GAGE13: variants seen among roughly 807,000 people sequenced by gnomAD.
The protein encoded by GAGE13 is G antigen 13.
chrX:49,337,674 A>C (rs1220564524), intron 4 of GAGE13, among the ~76,000 whole-genome samples: 5 of 62,996 alleles, frequency 7.9e-5, no homozygotes, highest in African/African-American at 2.4e-4. Flanking sequence ...TTATTTATTT[A>C]TTTATTTATT....
chrX:49,335,374 A>C (rs2066481678), intron 3 of GAGE13, among the ~76,000 whole-genome samples: 1 of 110,006 alleles, frequency 9.1e-6, no homozygotes, highest in East Asian at 2.8e-4. Context: ...AAATTTTGCC[A>C]GTTCCCCAGA....
At chrX:49,333,471 T>TGC in intron 3 of GAGE13, 64 bp downstream of exon 3, 1 of 378,117 alleles carries the variant, frequency 2.6e-6, no homozygotes, top group South Asian at 4.9e-5. Context: ...TGTGTGTGTG[T>TGC]GCACGTGTGT....
At chrX:49,337,672 T>C (rs1260938572) in intron 4 of GAGE13, among the ~76,000 whole-genome samples, 1 of 64,514 alleles carries the variant, frequency 1.6e-5, no homozygotes, top group African/African-American at 4.6e-5. Context: ...ATTTATTTAT[T>C]TATTTATTTA....
chrX:49,337,682 ATTG>A (rs2066488795), intron 4 of GAGE13, among the ~76,000 whole-genome samples: 35 of 60,594 alleles, frequency 5.8e-4, no homozygotes, highest in Middle Eastern at 0.011. Flanking sequence ...TTATTTATTT[ATTG>A]TTATACTTTA....
intron 3 of GAGE13, among the ~76,000 whole-genome samples, chrX:49,335,325 A>C (rs1408531516): frequency 9.4e-6 from 1 of 106,394 alleles, no homozygotes; most frequent in Non-Finnish European, 2.0e-5. Flanking sequence ...GAAATTTAAC[A>C]ATGAGAAAAT....
At chrX:49,335,436 T>C (rs1460833620) in intron 3 of GAGE13, among the ~76,000 whole-genome samples, 17 of 111,167 alleles carry the variant, frequency 1.5e-4, no homozygotes, top group African/African-American at 4.5e-4. Flanking sequence ...TCTCTCTCTG[T>C]GGGCCAGGTT....
At chrX:49,335,065 C>G (rs1247343112) in intron 3 of GAGE13, among the ~76,000 whole-genome samples, 1 of 80,167 alleles carries the variant, frequency 1.2e-5, no homozygotes, top group Non-Finnish European at 2.9e-5. Flanking sequence ...CTGGATTCAC[C>G]AATTGTTAAT....
chrX:49,331,714 G>A (rs1382587846), intron 1 of GAGE13, 25 bp downstream of exon 1: 1 of 75,478 alleles, frequency 1.3e-5, no homozygotes, highest in Non-Finnish European at 3.5e-5. Context: ...CAGTCATCCC[G>A]GGGGCTGAAG....
intron 1 of GAGE13, among the ~76,000 whole-genome samples, chrX:49,332,100 C>T (rs1330887734): frequency 2.5e-5 from 2 of 80,690 alleles, no homozygotes; most frequent in Non-Finnish European, 6.3e-5. Context: ...GTGTGGAGTG[C>T]GGAGCGCCCG....
At chrX:49,332,117 A>T (rs1360805301) in intron 1 of GAGE13, among the ~76,000 whole-genome samples, 1 of 81,022 alleles carries the variant, frequency 1.2e-5, no homozygotes, top group Non-Finnish European at 3.1e-5. Context: ...CCCGAGTGAG[A>T]AGCACTGCAA....
chrX:49,333,131 G>T (rs1392476300), intron 2 of GAGE13, among the ~76,000 whole-genome samples, 156 bp from the exon 3 acceptor site: 1 of 102,897 alleles, frequency 9.7e-6, no homozygotes, highest in South Asian at 4.6e-4. Context: ...CTCCCTGTGG[G>T]TGGAGTAACC....
intron 3 of GAGE13, among the ~76,000 whole-genome samples, chrX:49,335,215 G>A (rs1188472501): frequency 4.7e-5 from 5 of 107,153 alleles, no homozygotes; most frequent in African/African-American, 1.3e-4. Flanking sequence ...AAAGTTTCAG[G>A]TATTATGGTC....
intron 3 of GAGE13, among the ~76,000 whole-genome samples, chrX:49,335,286 G>C (rs1292206578): frequency 2.9e-5 from 3 of 104,882 alleles, no homozygotes; most frequent in Non-Finnish European, 6.1e-5. Context: ...TCATTTCTTG[G>C]ATCATCACTG....
intron 1 of GAGE13, among the ~76,000 whole-genome samples, chrX:49,332,259 C>T (rs2066466755): frequency 1.2e-5 from 1 of 82,252 alleles, no homozygotes; most frequent in Non-Finnish European, 3.0e-5. Context: ...GCAGCAATCA[C>T]GAGAATTGTG....
intron 3 of GAGE13, among the ~76,000 whole-genome samples, chrX:49,335,163 A>G (rs2066480364): frequency 9.6e-6 from 1 of 104,113 alleles, no homozygotes; most frequent in Admixed American, 1.0e-4. Context: ...ACACATACAT[A>G]CGGATATATG....
chrX:49,332,089 G>A (rs1485651700), intron 1 of GAGE13, among the ~76,000 whole-genome samples: 3 of 80,522 alleles, frequency 3.7e-5, no homozygotes, highest in Admixed American at 1.3e-4. Context: ...CCCCCGCAGC[G>A]GTGTGGAGTG....
At chrX:49,335,253 A>G (rs1364579571) in intron 3 of GAGE13, among the ~76,000 whole-genome samples, 1 of 102,532 alleles carries the variant, frequency 9.8e-6, no homozygotes, top group East Asian at 3.1e-4. Context: ...GAGGGTGTGT[A>G]TATCGTCAGA....
intron 3 of GAGE13, among the ~76,000 whole-genome samples, chrX:49,335,571 G>T (rs1302842425): frequency 8.8e-5 from 8 of 90,775 alleles, no homozygotes. Context: ...TGAACTTCTG[G>T]CCTCACCTGC....
intron 3 of GAGE13, among the ~76,000 whole-genome samples, chrX:49,335,158 TAC>T (rs2066480292): frequency 3.8e-3 from 8 of 2,133 alleles, no homozygotes; most frequent in African/African-American, 0.015. Context: ...CACACACACA[TAC>T]ATACGGATAT....
Sources: gnomAD v4.1 joint callset for allele counts (sites outside exome capture counted in the v4.1 genomes callset) on GRCh38, gnomAD v4.1.1 for gene constraint, MANE v1.5 for transcripts, NCBI Gene and HGNC (gene_info 2026-07-23, HGNC 2026-07-21) for gene names.